Variants in ITPRID1 observed in about 807,000 individuals in gnomAD.
The protein encoded by ITPRID1 is protein ITPRID1.
In ITPRID1, 96 loss-of-function variants were observed where a neutral mutation model predicts 95.4. That is an observed-to-expected ratio of 1.01 (90% CI 0.85 to 1.19). The LOEUF (loss-of-function observed/expected upper bound fraction) is 1.19. Among genes scored for constraint, ITPRID1 ranks in the 50% most tolerant of loss-of-function variants. ITPRID1 has a pLI of 0.00. For missense variants in ITPRID1, 1,339 were observed against 1,252.9 expected (o/e 1.07, Z -1.04); for synonymous variants, 510 against 453.6 (o/e 1.12, Z -1.58).
At chr7:31,587,568 G>A (rs1296150029) in intron 10 of ITPRID1, among the ~76,000 whole-genome samples, 1 of 147,832 alleles carries the variant, frequency 6.8e-6, no homozygotes, top group African/African-American at 2.5e-5. Flanking sequence ...TACTGCCCAA[G>A]GTAATTTACA....
At chr7:31,544,817 A>G (rs1784045692) in intron 1 of ITPRID1, among the ~76,000 whole-genome samples, 1 of 152,168 alleles carries the variant, frequency 6.6e-6, no homozygotes, top group South Asian at 2.1e-4. Context: ...AGAGCATGAT[A>G]CTGTGCCTGA....
chr7:31,543,802 G>C, intron 1 of ITPRID1, among the ~76,000 whole-genome samples: 1 of 151,752 alleles, frequency 6.6e-6, no homozygotes, highest in East Asian at 1.9e-4. Context: ...TTACTTCATG[G>C]ATTGTTCCTT....
Position 31,651,929 on chromosome 7 carries a change from T to C in ITPRID1, c.2712-10T>C, listed in dbSNP as rs1226306050. The C allele has an allele frequency of 6.4e-7, 1 of 1,568,612 alleles. No individual in the cohort carries two copies. The highest frequency in any genetic ancestry group is 8.7e-7 in the Non-Finnish European group (1 of 1,154,398). On this transcript the variant is annotated splice_polypyrimidine_tract_variant and intron_variant, in intron 13 of 14. Coordinates refer to ENST00000615280, the MANE Select transcript of ITPRID1 (RefSeq NM_001257967.3). ...GTTAAATTTGGTTATTTTCTATTAT[T>C]TACTTGCAGGGAGGAGGCCGAGCAA...
chr7:31,597,239 C>A (rs769878734), intron 10 of ITPRID1, among the ~76,000 whole-genome samples: 1 of 151,914 alleles, frequency 6.6e-6, no homozygotes, highest in African/African-American at 2.4e-5. Flanking sequence ...AGGAATACAA[C>A]CTGCCCACAT....
At chr7:31,620,777 C>A (rs560894882) in intron 10 of ITPRID1, among the ~76,000 whole-genome samples, 8 of 152,202 alleles carry the variant, frequency 5.3e-5, no homozygotes, top group African/African-American at 1.2e-4. Flanking sequence ...TTTGAGGAGG[C>A]GAGAGAAGAA....
chr7:31,651,342 AAC>A (rs1372563595), intron 13 of ITPRID1, 73 bp downstream of exon 13: 1 of 1,533,574 alleles, frequency 6.5e-7, no homozygotes, highest in African/African-American at 1.4e-5. Flanking sequence ...ATCAGGGCAG[AAC>A]AGAGGAGCAC....
At chr7:31,586,386 G>C (rs1458748791) in intron 10 of ITPRID1, among the ~76,000 whole-genome samples, 10 of 150,960 alleles carry the variant, frequency 6.6e-5, no homozygotes, top group East Asian at 1.9e-4. Flanking sequence ...AATGGTATTT[G>C]TAGTTCTAGA....
At chr7:31,534,844 T>A (rs571176693) in intron 1 of ITPRID1, among the ~76,000 whole-genome samples, 38 of 152,166 alleles carry the variant, frequency 2.5e-4, no homozygotes, top group Non-Finnish European at 4.3e-4. Context: ...CCTCCTTTTC[T>A]GTTTTATTAG....
intron 10 of ITPRID1, among the ~76,000 whole-genome samples, chr7:31,607,251 T>C (rs1171845535): frequency 6.6e-6 from 1 of 152,158 alleles, no homozygotes; most frequent in African/African-American, 2.4e-5. Context: ...CAAAATTAAT[T>C]TGGAGATTCT....
rs1323734933 is a variant in ITPRID1 at position 31,643,501 on chromosome 7, C to T, written c.2131C>T (p.Gln711Ter). 3 of 1,613,972 alleles carry T rather than the reference C, an allele frequency of 1.9e-6. No individual in the cohort carries two copies. The highest frequency in any genetic ancestry group is 1.1e-5 in the South Asian group (1 of 91,088). The change falls in exon 12 of 15, where the codon CAG (glutamine) becomes TAG (stop). Residue 711 changes from glutamine (Q) to a stop codon, truncating the protein, a stop_gained. Transcript: ENST00000615280. LOFTEE classifies it high-confidence loss of function. ...TGGCAGCTCCAGGTCTGTAATGACC[C>T]AGATGTCCTCCAGCCTGGTGTCGGC... is the stretch of plus-strand genomic sequence containing the variant. ...NTGSSRSVMT[Q>*]MSSSLVSAAQ...
At chr7:31,558,667 C>G (rs1046552043) in intron 5 of ITPRID1, among the ~76,000 whole-genome samples, 21 of 152,082 alleles carry the variant, frequency 1.4e-4, no homozygotes, top group African/African-American at 4.8e-4. Flanking sequence ...TGAGTATATT[C>G]TCACCTCAGA....
rs188222293 is a variant in ITPRID1, at chr7:31,567,676, G to A, written c.257-2082G>A. Among the ~76,000 whole-genome samples, 131 of 151,972 alleles carry A rather than the reference G, an allele frequency of 8.6e-4. 1 individual carries two copies. Among genetic ancestry groups the A allele is most frequent in the African/African-American group, 3.0e-3 (125 of 41,462 alleles). The stretch of plus-strand genomic sequence containing the variant: ...CGCTCACTGCAAGCTCTGCCTCCCG[G>A]GTTCACACCATTCTCCTGCCTCAGC... On this transcript the variant is annotated intron_variant, in intron 5 of 14. Coordinates refer to ENST00000615280, the MANE Select transcript of ITPRID1 (RefSeq NM_001257967.3).
intron 1 of ITPRID1, among the ~76,000 whole-genome samples, chr7:31,548,489 C>T (rs995510784): frequency 6.6e-6 from 1 of 152,054 alleles, no homozygotes; most frequent in African/African-American, 2.4e-5. Context: ...GGAACCATAT[C>T]CCAGTTTCAG....
intron 10 of ITPRID1, among the ~76,000 whole-genome samples, chr7:31,590,403 A>G (rs2159514): frequency 0.98 from 148,497 of 152,296 alleles, 72,414 homozygotes; most frequent in East Asian, 0.99. Context: ...CAAGGAAGAC[A>G]GATCCAAGAA....
chr7:31,651,097 G>C (rs1428180439), intron 12 of ITPRID1, 45 bp from the exon 13 acceptor site: 1 of 1,594,718 alleles, frequency 6.3e-7, no homozygotes, highest in Non-Finnish European at 8.5e-7. Flanking sequence ...CTCTTGCAGA[G>C]GATCAGAGAG....
chr7:31,583,155 A>T lies in ITPRID1; in HGVS notation c.1192A>T (p.Thr398Ser). Reference protein sequence around the residue: ...MEEVQSFEEETGNPLDMTSGT... With the variant: ...MEEVQSFEEESGNPLDMTSGT... The stretch of plus-strand genomic sequence containing the variant: ...TTAGGTCCAAAGCTTTGAAGAAGAG[A>T]CTGGTAATCCTCTTGACATGACTTC... The change falls in exon 10 of 15, where the codon ACT (threonine) becomes TCT (serine). Residue 398 changes from threonine (T) to serine (S), a missense_variant. Thr to Ser is a moderately conservative substitution (Grantham distance 58). Coordinates refer to ENST00000615280, the MANE Select transcript of ITPRID1 (RefSeq NM_001257967.3). The T allele has an allele frequency of 6.2e-7, 1 of 1,611,798 alleles. No individual in the cohort carries two copies. The highest frequency in any genetic ancestry group is 8.5e-7 in the Non-Finnish European group (1 of 1,178,188).
rs1445714643 is a variant in ITPRID1, at chr7:31,654,948, C to T, written c.*2119C>T. ...GGCCTTCCTACCCTTGGGACCACCA[C>T]ACTATTTTTCCCATGGACTTAACAT... On this transcript the variant is annotated 3_prime_UTR_variant, in exon 15 of 15. Coordinates refer to ENST00000615280, the MANE Select transcript of ITPRID1 (RefSeq NM_001257967.3). 1.3e-5 allele frequency among the ~76,000 whole-genome samples: 2 copies of T among 152,128 alleles called. No individual in the cohort carries two copies. The highest frequency in any genetic ancestry group is 2.9e-5 in the Non-Finnish European group (2 of 68,020).
chr7:31,617,259 C>T (rs1009356645), intron 10 of ITPRID1, among the ~76,000 whole-genome samples: 5 of 16,388 alleles, frequency 3.1e-4, no homozygotes, highest in Non-Finnish European at 1.1e-3. Flanking sequence ...GAGATAACAA[C>T]AATTTAACTT....
chr7:31,531,735 GGTGT>G (rs1195093612), intron 1 of ITPRID1, among the ~76,000 whole-genome samples: 1 of 152,102 alleles, frequency 6.6e-6, no homozygotes, highest in African/African-American at 2.4e-5. Context: ...AAGATCCATG[GGTGT>G]TTTTCTTTAG....
Sources: gnomAD v4.1 joint callset for allele counts (sites outside exome capture counted in the v4.1 genomes callset) on GRCh38, gnomAD v4.1.1 for gene constraint, MANE v1.5 for transcripts, NCBI Gene and HGNC (gene_info 2026-07-23, HGNC 2026-07-21) for gene names.